The following WWP2 variants were observed in gnomAD, a reference collection of about 807,000 sequenced individuals.
WWP2 encodes WW domain containing E3 ubiquitin protein ligase 2.
A neutral mutation model predicts 121.0 loss-of-function variants in WWP2; 57 were observed. The observed-to-expected ratio is 0.47, with a 90% CI of 0.38 to 0.59. The LOEUF (loss-of-function observed/expected upper bound fraction) is 0.59, where lower values mean the gene tolerates loss of function less well. Among genes scored for constraint, WWP2 ranks in the 20% least tolerant of loss-of-function variants. The pLI, the probability that WWP2 is intolerant of heterozygous loss-of-function variation, is 0.00. For missense variants in WWP2, 962 were observed against 1,158.9 expected (o/e 0.83, Z 2.47); for synonymous variants, 449 against 441.3 (o/e 1.02, Z -0.22).
intron 19 of WWP2, 132 bp from the exon 20 acceptor site, chr16:69,936,986 G>T: frequency 3.1e-6 from 4 of 1,269,946 alleles, no homozygotes; most frequent in Non-Finnish European, 4.2e-6. Flanking sequence ...CCTCCAGCAG[G>T]CTGGGTCTGG....
At chr16:69,877,283 T>C (rs2057750810) in intron 7 of WWP2, among the ~76,000 whole-genome samples, 1 of 152,226 alleles carries the variant, frequency 6.6e-6, no homozygotes, top group Non-Finnish European at 1.5e-5. Flanking sequence ...GTTTGAGGGA[T>C]CTTTCCTTAA....
intron 4 of WWP2, among the ~76,000 whole-genome samples, chr16:69,805,328 G>A (rs56000913): frequency 0.057 from 8,713 of 151,882 alleles, 299 homozygotes; most frequent in Middle Eastern, 0.11. Context: ...GAGTCACTGC[G>A]CCCAGCCTGC....
intron 10 of WWP2, among the ~76,000 whole-genome samples, chr16:69,922,645 C>G (rs896590010): frequency 6.6e-6 from 1 of 152,208 alleles, no homozygotes; most frequent in African/African-American, 2.4e-5. Context: ...CCGGTTGGCT[C>G]ATTGGAGGTG....
chr16:69,781,669 T>C (rs2055667616), intron 1 of WWP2, among the ~76,000 whole-genome samples: 1 of 152,040 alleles, frequency 6.6e-6, no homozygotes, highest in Admixed American at 6.6e-5. Context: ...GTGTCTTAGT[T>C]CATTTTGTGT....
intron 6 of WWP2, among the ~76,000 whole-genome samples, chr16:69,868,336 C>T (rs908698021): frequency 5.9e-5 from 9 of 152,154 alleles, no homozygotes; most frequent in African/African-American, 2.2e-4. Flanking sequence ...AAAGTATTCT[C>T]TCTCCATGCT....
At chr16:69,850,029 C>T (rs983605911) in intron 6 of WWP2, among the ~76,000 whole-genome samples, 7 of 152,156 alleles carry the variant, frequency 4.6e-5, no homozygotes, top group Non-Finnish European at 1.0e-4. Context: ...AAATCTCTGC[C>T]GTTGAAGGCA....
At chr16:69,765,474 G>C (rs1371494269) in intron 1 of WWP2, among the ~76,000 whole-genome samples, 1 of 152,084 alleles carries the variant, frequency 6.6e-6, no homozygotes, top group Non-Finnish European at 1.5e-5. Flanking sequence ...TGATAACTAA[G>C]TATAATATGT....
intron 4 of WWP2, among the ~76,000 whole-genome samples, chr16:69,814,306 A>T (rs552776615): frequency 9.9e-5 from 15 of 152,232 alleles, no homozygotes; most frequent in African/African-American, 3.4e-4. Flanking sequence ...AACTACAGGC[A>T]TGCGGTCCTG....
At chr16:69,901,782 C>T (rs2058209679) in intron 8 of WWP2, among the ~76,000 whole-genome samples, 4 of 151,998 alleles carry the variant, frequency 2.6e-5, no homozygotes, top group Admixed American at 2.6e-4. Flanking sequence ...TTTATAAGGG[C>T]CACTTGAAAA....
At chr16:69,938,749 C>A (rs1005711886) in intron 21 of WWP2, among the ~76,000 whole-genome samples, 1 of 152,262 alleles carries the variant, frequency 6.6e-6, no homozygotes, top group African/African-American at 2.4e-5. Context: ...ATTTAGTCAT[C>A]TCTAAAAGCA....
At chr16:69,909,436 G>A in intron 9 of WWP2, 1 of 985,700 alleles carries the variant, frequency 1.0e-6, no homozygotes, top group Non-Finnish European at 1.2e-6. Context: ...GCTGTCGGAA[G>A]TAGGGACTCT....
intron 8 of WWP2, among the ~76,000 whole-genome samples, chr16:69,897,994 GTA>G (rs1298951536): frequency 6.6e-6 from 1 of 150,556 alleles, no homozygotes; most frequent in Non-Finnish European, 1.5e-5. Flanking sequence ...GCCTTTTTGT[GTA>G]TGTGGTTTTT....
intron 8 of WWP2, among the ~76,000 whole-genome samples, chr16:69,896,058 A>G (rs1356614079): frequency 6.6e-6 from 1 of 152,210 alleles, no homozygotes; most frequent in Non-Finnish European, 1.5e-5. Flanking sequence ...AGGCTGGGCC[A>G]TGAGATGTTT....
intron 8 of WWP2, among the ~76,000 whole-genome samples, chr16:69,903,805 G>C (rs2058245757): frequency 6.6e-6 from 1 of 151,548 alleles, no homozygotes; most frequent in Admixed American, 6.6e-5. Context: ...ATGTGTTTAA[G>C]TTTTGTTTTT....
intron 11 of WWP2, among the ~76,000 whole-genome samples, chr16:69,926,472 T>A (rs550681671): frequency 1.1e-4 from 17 of 152,226 alleles, no homozygotes; most frequent in Middle Eastern, 3.4e-3. Context: ...TTGGCAGTGA[T>A]AGGATGGGCA....
intron 7 of WWP2, among the ~76,000 whole-genome samples, chr16:69,883,237 T>C (rs1192613452): frequency 6.6e-6 from 1 of 152,200 alleles, no homozygotes; most frequent in Non-Finnish European, 1.5e-5. Flanking sequence ...GTTTTTCTAT[T>C]TGAAGCCTCA....
chr16:69,842,577 G>A (rs1567698232), intron 6 of WWP2, among the ~76,000 whole-genome samples: 1 of 152,140 alleles, frequency 6.6e-6, no homozygotes. Context: ...AGAACATATG[G>A]TATTTGGTTT....
intron 8 of WWP2, 114 bp downstream of exon 8, chr16:69,888,363 G>A (rs2057965566): frequency 1.7e-6 from 2 of 1,145,130 alleles, no homozygotes; most frequent in African/African-American, 1.6e-5. Context: ...CCTCTGGGGA[G>A]GCTGCTGTGC....
At chr16:69,841,142 G>A (rs1488208673) in intron 5 of WWP2, among the ~76,000 whole-genome samples, 2 of 152,196 alleles carry the variant, frequency 1.3e-5, no homozygotes, top group Non-Finnish European at 2.9e-5. Context: ...AGATGGCAGT[G>A]GGCCAAATTC....
Sources: allele counts gnomAD v4.1 joint callset (sites outside exome capture counted in the v4.1 genomes callset), GRCh38; gene constraint gnomAD v4.1.1; transcripts MANE v1.5; gene names NCBI Gene and HGNC (gene_info 2026-07-23, HGNC 2026-07-21).